The following SCGN variants were observed in gnomAD, a reference collection of about 807,000 sequenced individuals.
SCGN encodes secretagogin.
In SCGN, 30 loss-of-function variants were observed where a neutral mutation model predicts 39.7. The observed-to-expected ratio is 0.76, with a 90% confidence interval of 0.57 to 1.03. SCGN has a LOEUF of 1.03. Ranked by LOEUF, SCGN falls within the 50% of genes least tolerant of loss-of-function variation. SCGN has a pLI of 0.00. For synonymous variants in SCGN, 106 were observed against 114.1 expected, an observed-to-expected ratio of 0.93 and a Z score of 0.45; for missense variants, 353 against 349.4, an observed-to-expected ratio of 1.01 and a Z score of -0.08.
chr6:25,687,579 T>C lies in SCGN; in HGVS notation c.528-1593T>C, dbSNP rs186329460. On this transcript the variant is annotated intron_variant, in intron 7 of 10. Transcript: ENST00000377961. ...GTGTATTAGCTCTAGTAGTTTTTTG[T>C]TGGATTCCTTAGGATTTTCTATATA... 2.9e-4 allele frequency among the ~76,000 whole-genome samples: 44 copies of C among 152,280 alleles called. No individual in the cohort carries two copies. The East Asian group carries it at 8.5e-3, about 29-fold the overall frequency.
intron 10 of SCGN, among the ~76,000 whole-genome samples, chr6:25,695,070 C>T (rs1161577250): frequency 1.3e-5 from 2 of 152,100 alleles, no homozygotes; most frequent in Non-Finnish European, 2.9e-5. Flanking sequence ...AATTCTTGGA[C>T]AATCATATGA....
intron 4 of SCGN, among the ~76,000 whole-genome samples, chr6:25,665,507 G>A (rs561008522): frequency 1.3e-5 from 2 of 152,230 alleles, no homozygotes; most frequent in East Asian, 3.9e-4. Flanking sequence ...CCAGCTAGTG[G>A]GCCTTCTGTT....
intron 6 of SCGN, among the ~76,000 whole-genome samples, chr6:25,671,672 A>C (rs1483354618): frequency 6.6e-6 from 1 of 152,182 alleles, no homozygotes; most frequent in East Asian, 1.9e-4. Context: ...CAGCAGTGGG[A>C]AGCAGTTTCC....
At chr6:25,681,660 C>T (rs1453002568) in intron 6 of SCGN, among the ~76,000 whole-genome samples, 3 of 152,272 alleles carry the variant, frequency 2.0e-5, no homozygotes, top group South Asian at 2.1e-4. Context: ...CACTCCATGT[C>T]GCCAGAGTAT....
chr6:25,659,290 T>C lies in SCGN; in HGVS notation c.154-2262T>C, dbSNP rs2151377204. Among the ~76,000 whole-genome samples, 2 of 152,364 alleles carry C rather than the reference T, an allele frequency of 1.3e-5. 1 individual carries two copies. The highest frequency in any genetic ancestry group is 4.1e-4 in the South Asian group (2 of 4,828). ...CCCAAAGCAAGTCATCAAGCTGTCC[T>C]TGCATTTTGTTTGAACCATCTAATT... On this transcript the variant is annotated intron_variant, in intron 2 of 10. Coordinates refer to ENST00000377961, the MANE Select transcript of SCGN (RefSeq NM_006998.4).
intron 4 of SCGN, among the ~76,000 whole-genome samples, chr6:25,667,515 C>T (rs1470139442): frequency 6.6e-6 from 1 of 152,160 alleles, no homozygotes. Flanking sequence ...GCTCATGTGC[C>T]ATTATTGTCC....
At chr6:25,681,101 A>T (rs180728407) in intron 6 of SCGN, among the ~76,000 whole-genome samples, 90 of 152,284 alleles carry the variant, frequency 5.9e-4, no homozygotes, top group African/African-American at 2.0e-3. Context: ...TTTTGCCCAA[A>T]CCAATCTGGT....
chr6:25,670,685 T>C (rs1759486707), intron 6 of SCGN, among the ~76,000 whole-genome samples: 1 of 152,246 alleles, frequency 6.6e-6, no homozygotes, highest in African/African-American at 2.4e-5. Context: ...TTAGCTCTTA[T>C]TGCAGTAGTT....
At chr6:25,670,313 A>G (rs1197747915) in intron 6 of SCGN, among the ~76,000 whole-genome samples, 3 of 152,252 alleles carry the variant, frequency 2.0e-5, no homozygotes, top group African/African-American at 7.2e-5. Flanking sequence ...GGGAAACCTG[A>G]AAAGTTCAGT....
At chr6:25,667,898 A>G (rs74351719) in intron 4 of SCGN, among the ~76,000 whole-genome samples, 1,649 of 152,366 alleles carry the variant, frequency 0.011, 15 homozygotes, top group African/African-American at 0.031. Flanking sequence ...AAAAGCATGC[A>G]AAAAATTTTT....
At chr6:25,693,451 C>CAAAAAAAAAAA (rs11376402) in intron 10 of SCGN, among the ~76,000 whole-genome samples, 1 of 48,420 alleles carries the variant, frequency 2.1e-5, no homozygotes, top group African/African-American at 7.9e-5. Flanking sequence ...GACTCCGTCT[C>CAAAAAAAAAAA]AAAAAAAAAA....
intron 2 of SCGN, among the ~76,000 whole-genome samples, chr6:25,655,378 A>AT (rs1328083790): frequency 6.6e-6 from 1 of 152,152 alleles, no homozygotes; most frequent in Admixed American, 6.5e-5. Flanking sequence ...TTCATCTGAG[A>AT]TTTTGGCTAA....
rs764334919 is a variant in SCGN, at chr6:25,681,943, C to A, written c.472-8C>A. The A allele has an allele frequency of 2.5e-6, 4 of 1,610,866 alleles. No individual in the cohort carries two copies. The Admixed American group carries it at 6.7e-5, about 27-fold the overall frequency. On this transcript the variant is annotated splice_polypyrimidine_tract_variant and splice_region_variant and intron_variant, in intron 6 of 10. Transcript: ENST00000377961. The stretch of plus-strand genomic sequence containing the variant: ...ACAAGTACAACCATTTTCCCTTCTG[C>A]ATTTCAGATGAAGATTTTTGACAGA...
intron 10 of SCGN, among the ~76,000 whole-genome samples, chr6:25,699,487 G>C (rs1759879717): frequency 1.3e-5 from 2 of 151,616 alleles, no homozygotes. Flanking sequence ...CTACTTGGGA[G>C]GGTGAGGCTG....
intron 2 of SCGN, among the ~76,000 whole-genome samples, chr6:25,661,217 T>C (rs1760329833): frequency 6.6e-6 from 1 of 152,212 alleles, no homozygotes; most frequent in South Asian, 2.1e-4. Flanking sequence ...AAATCTGTAA[T>C]TACAATACAG....
chr6:25,676,646 G>T lies in SCGN; in HGVS notation c.472-5305G>T, dbSNP rs545055341. On this transcript the variant is annotated intron_variant, in intron 6 of 10. Coordinates refer to ENST00000377961, the MANE Select transcript of SCGN (RefSeq NM_006998.4). ...TTCCATTTCCATCCTATTTAAAATT[G>T]TACCTCCCAATTTGCTATTCTATAT... Among the ~76,000 whole-genome samples, 4 of 152,130 alleles carry T rather than the reference G, an allele frequency of 2.6e-5. No homozygotes were observed. In the South Asian group the frequency reaches 8.3e-4, roughly 32 times the overall value.
intron 4 of SCGN, among the ~76,000 whole-genome samples, chr6:25,667,227 T>C (rs1760438258): frequency 6.6e-6 from 1 of 152,134 alleles, no homozygotes; most frequent in Non-Finnish European, 1.5e-5. Flanking sequence ...CCTTGAGAAG[T>C]GGGAAAATCA....
rs114796672 is a variant in SCGN at position 25,655,867 on chromosome 6, T to G, written c.153+2415T>G. ...ATCCCACTGAGCTGTGGCAATAGCC[T>G]CAGGCACATCTCATGAGCACTTGGC... On this transcript the variant is annotated intron_variant, in intron 2 of 10. Coordinates refer to ENST00000377961, the MANE Select transcript of SCGN (RefSeq NM_006998.4). Among the ~76,000 whole-genome samples the G allele has an allele frequency of 5.9e-3, 903 of 152,268 alleles. 7 individuals carry two copies. Among genetic ancestry groups the G allele is most frequent in the African/African-American group, 0.02 (835 of 41,540 alleles).
chr6:25,688,933 A>C (rs1338069140), intron 7 of SCGN, among the ~76,000 whole-genome samples: 1 of 152,164 alleles, frequency 6.6e-6, no homozygotes, highest in African/African-American at 2.4e-5. Context: ...AATTTCCAGA[A>C]GCCCATACTG....
Sources: gnomAD v4.1 joint callset for allele counts (sites outside exome capture counted in the v4.1 genomes callset) on GRCh38, gnomAD v4.1.1 for gene constraint, MANE v1.5 for transcripts, NCBI Gene and HGNC (gene_info 2026-07-23, HGNC 2026-07-21) for gene names.